The following SLC19A3 variants were observed in gnomAD, a reference collection of about 807,000 sequenced individuals.
SLC19A3 encodes solute carrier family 19 member 3, also known as thiamine transporter 2.
Under a neutral mutation model 40.2 loss-of-function variants are expected in SLC19A3, and 31 were observed. The observed-to-expected ratio is 0.77, with a 90% confidence interval of 0.58 to 1.04. The LOEUF (loss-of-function observed/expected upper bound fraction) is 1.04. Among genes scored for constraint, SLC19A3 ranks in the 50% least tolerant of loss-of-function variants. The pLI is 0.00. For missense variants in SLC19A3, 592 were observed against 596.7 expected (o/e 0.99, Z 0.08); for synonymous variants, 212 against 227.5 (o/e 0.93, Z 0.61).
intron 1 of SLC19A3, among the ~76,000 whole-genome samples, chr2:227,706,995 A>G (rs561378326): frequency 6.6e-6 from 1 of 152,172 alleles, no homozygotes; most frequent in Non-Finnish European, 1.5e-5. Context: ...ACAACAGCAG[A>G]TTGAGGAGGT....
At position 227,702,340 on chromosome 2, in the gene SLC19A3, G is replaced by A; in HGVS notation, c.-2-20C>T. On this transcript the variant is annotated intron_variant, in intron 1 of 5. Transcript: ENST00000644224. The stretch of plus-strand genomic sequence containing the variant: ...CCATGGCTGATCAAATGGAAACAAA[G>A]AGAAAATTAAGTGATGCTTATTCTT... 3 of 1,612,788 alleles carry A rather than the reference G, an allele frequency of 1.9e-6. No homozygotes were observed. The highest frequency in any genetic ancestry group is 2.7e-5 in the African/African-American group (2 of 74,952).
At chr2:227,708,469 C>T (rs1696026059) in intron 1 of SLC19A3, among the ~76,000 whole-genome samples, 1 of 152,090 alleles carries the variant, frequency 6.6e-6, no homozygotes, top group South Asian at 2.1e-4. Flanking sequence ...CACGGTGGCT[C>T]ATGCCTGTAA....
rs951619248 is a variant in SLC19A3 at position 227,684,939 on chromosome 2, C to G, written c.*2458G>C. 8.2e-6 allele frequency: 1 copy of G among 121,712 alleles called. No individual in the cohort carries two copies. Among genetic ancestry groups the G allele is most frequent in the Non-Finnish European group, 1.6e-5 (1 of 62,636 alleles). 7.5% of individuals were successfully genotyped at this position (121,712 alleles called of 1,614,324 possible). ...CGGAGGTTGCAGTGAGCTGACATTG[C>G]GTCATTGCACTCCAGCCTGGGTGAC... On this transcript the variant is annotated 3_prime_UTR_variant, in exon 6 of 6. Coordinates refer to ENST00000644224, the MANE Select transcript of SLC19A3 (RefSeq NM_025243.4).
At chr2:227,695,150 T>G (rs1574552405) in intron 4 of SLC19A3, among the ~76,000 whole-genome samples, 1 of 152,204 alleles carries the variant, frequency 6.6e-6, no homozygotes, top group Non-Finnish European at 1.5e-5. Context: ...GTATCCAACT[T>G]TTTAATAACT....
chr2:227,697,559 G>C (rs1695485395), intron 3 of SLC19A3, among the ~76,000 whole-genome samples: 1 of 152,108 alleles, frequency 6.6e-6, no homozygotes, highest in Non-Finnish European at 1.5e-5. Flanking sequence ...GTGCATGCTA[G>C]CTAGTTCAAA....
rs1695087885 is a variant in SLC19A3, at chr2:227,688,093, T to G, written c.1314+73A>C. On this transcript the variant is annotated intron_variant, in intron 5 of 5. Coordinates refer to ENST00000644224, the MANE Select transcript of SLC19A3 (RefSeq NM_025243.4). ...TGCTTAACCAAGGAACTCAAGAAAT[T>G]TAAATATTGCTTGTTGTAAGGTTGA... The G allele has an allele frequency of 1.7e-5, 26 of 1,511,086 alleles. 1 individual carries two copies. In the South Asian group the frequency reaches 2.1e-4, roughly 12 times the overall value. The allele number at this position is 1,511,086 out of a possible 1,614,324, so 93.6% of individuals were successfully genotyped here. A position where few individuals can be genotyped will look rare whatever the true frequency, so the allele number is the denominator to read the frequency against.
intron 1 of SLC19A3, chr2:227,714,302 A>T: frequency 2.1e-6 from 1 of 473,010 alleles, no homozygotes; most frequent in Non-Finnish European, 2.8e-6. Flanking sequence ...AGTCTGTCCC[A>T]GAACATTTCT....
chr2:227,691,481 T>C (rs1055182781), intron 4 of SLC19A3, among the ~76,000 whole-genome samples: 1 of 152,010 alleles, frequency 6.6e-6, no homozygotes, highest in African/African-American at 2.4e-5. Flanking sequence ...TGGTGGTGCA[T>C]GTTTGTGATC....
intron 3 of SLC19A3, 32 bp downstream of exon 3, chr2:227,698,704 C>A (rs1400056740): frequency 6.3e-7 from 1 of 1,588,224 alleles, no homozygotes; most frequent in Non-Finnish European, 8.6e-7. Flanking sequence ...CGGGTAAAGC[C>A]AACAAAGGAA....
chr2:227,717,052 G>T (rs1047299280), intron 1 of SLC19A3, among the ~76,000 whole-genome samples: 2 of 143,682 alleles, frequency 1.4e-5, no homozygotes, highest in Admixed American at 1.4e-4. Context: ...GCCCAGGCTG[G>T]AGTGCAGTGG....
At chr2:227,698,013 A>T (rs1470210698) in intron 3 of SLC19A3, among the ~76,000 whole-genome samples, 2 of 152,036 alleles carry the variant, frequency 1.3e-5, no homozygotes, top group Non-Finnish European at 1.5e-5. Flanking sequence ...TGGGAGGCAG[A>T]GGTTGCAGTG....
rs1694965467 is a variant in SLC19A3, at chr2:227,685,004, AAGAAG to A, written c.*2388_*2392del. The A allele has an allele frequency of 6.8e-6, 1 of 147,254 alleles. No individual in the cohort carries two copies. The highest frequency in any genetic ancestry group is 1.5e-5 in the Non-Finnish European group (1 of 66,836). 9.1% of individuals were successfully genotyped at this position (147,254 alleles called of 1,614,324 possible). A position where few individuals can be genotyped will look rare whatever the true frequency, so the allele number is the denominator to read the frequency against. ...TCAAAAAAAAAAAAAAAAAAAAAAA[AAGAAG>A]AAGAAGAAAAAGAATAGCGGCCATT... On this transcript the variant is annotated 3_prime_UTR_variant, in exon 6 of 6. Transcript: ENST00000644224.
intron 2 of SLC19A3, chr2:227,701,017 C>T (rs2106331150): frequency 7.7e-7 from 1 of 1,304,322 alleles, no homozygotes; most frequent in African/African-American, 1.5e-5. Context: ...AACTGGTCCA[C>T]AGTGGCTCGA....
rs778943257 is a variant in SLC19A3 at position 227,686,321 on chromosome 2, T to C, written c.*1076A>G. 1 of 283,582 alleles carries C rather than the reference T, an allele frequency of 3.5e-6. No homozygotes were observed. The highest frequency in any genetic ancestry group is 3.0e-5 in the South Asian group (1 of 33,758). The allele number at this position is 283,582 out of a possible 1,614,324, so 17.6% of individuals were successfully genotyped here. On this transcript the variant is annotated 3_prime_UTR_variant, in exon 6 of 6. Coordinates refer to ENST00000644224, the MANE Select transcript of SLC19A3 (RefSeq NM_025243.4). Reference sequence around the variant, plus strand: ...TTAGACAGACACCACACAGGTGCTCTTTTTTGGGAGGAGGGGGATGAGAGT... The same window carrying C: ...TTAGACAGACACCACACAGGTGCTCCTTTTTGGGAGGAGGGGGATGAGAGT...
chr2:227,695,558 T>G, intron 4 of SLC19A3: 1 of 327,354 alleles, frequency 3.1e-6, no homozygotes, highest in Admixed American at 4.4e-5. Flanking sequence ...GTCCTGATCG[T>G]GATCGCACCA....
intron 2 of SLC19A3, chr2:227,701,129 G>C (rs901938740): frequency 9.4e-6 from 12 of 1,270,856 alleles, no homozygotes; most frequent in Non-Finnish European, 1.2e-5. Flanking sequence ...CGGAAACAGG[G>C]TTGTCCCTAA....
At chr2:227,709,370 A>G (rs1696060775) in intron 1 of SLC19A3, among the ~76,000 whole-genome samples, 1 of 152,122 alleles carries the variant, frequency 6.6e-6, no homozygotes, top group African/African-American at 2.4e-5. Context: ...CTGTAATTCC[A>G]GCTACTTGGC....
At position 227,686,268 on chromosome 2, in the gene SLC19A3, C is replaced by G; in HGVS notation, c.*1129G>C. Reference sequence around the variant, plus strand: ...CAGTGTTTTCTTATTTCTAATACTTCTAGAAACCTCCTTTAAGTTTTCCTA... The same window carrying G: ...CAGTGTTTTCTTATTTCTAATACTTGTAGAAACCTCCTTTAAGTTTTCCTA... On this transcript the variant is annotated 3_prime_UTR_variant, in exon 6 of 6. Transcript: ENST00000644224. 1 of 339,140 alleles carries G rather than the reference C, an allele frequency of 2.9e-6. No homozygotes were observed. The highest frequency in any genetic ancestry group is 2.2e-5 in the South Asian group (1 of 45,946). The allele number at this position is 339,140 out of a possible 1,614,324, so 21.0% of individuals were successfully genotyped here. A position where few individuals can be genotyped will look rare whatever the true frequency, so the allele number is the denominator to read the frequency against.
Position 227,706,255 on chromosome 2 carries a change from C to T in SLC19A3, c.-2-3935G>A, listed in dbSNP as rs186688497. On this transcript the variant is annotated intron_variant, in intron 1 of 5. Coordinates refer to ENST00000644224, the MANE Select transcript of SLC19A3 (RefSeq NM_025243.4). ...CTCTAAAAAAGTGCTCTAAACGTCC[C>T]TTTGCTTCCACTGCTTCTAAGGTGA... 1.2e-3 allele frequency: 1,403 copies of T among 1,208,506 alleles called. 3 individuals are homozygous for T. The highest frequency in any genetic ancestry group is 1.4e-3 in the Non-Finnish European group (1,337 of 966,924). 74.9% of individuals were successfully genotyped at this position (1,208,506 alleles called of 1,614,324 possible). A position where few individuals can be genotyped will look rare whatever the true frequency, so the allele number is the denominator to read the frequency against.
Sources: gnomAD v4.1 joint callset for allele counts (sites outside exome capture counted in the v4.1 genomes callset) on GRCh38, gnomAD v4.1.1 for gene constraint, MANE v1.5 for transcripts, NCBI Gene and HGNC (gene_info 2026-07-23, HGNC 2026-07-21) for gene names.